Variants in BBX observed in about 807,000 individuals in gnomAD.
BBX encodes the protein BBX high mobility group box domain containing, also known as HMG box transcription factor BBX.
Under a neutral mutation model 100.2 loss-of-function variants are expected in BBX, and 30 were observed. The observed-to-expected ratio is 0.30, with a 90% CI of 0.22 to 0.41. The LOEUF (loss-of-function observed/expected upper bound fraction) is 0.41. Ranked by LOEUF, BBX falls within the 10% of genes least tolerant of loss-of-function variation. BBX has a pLI of 1.00. For missense variants in BBX, 1,023 were observed against 1,129.8 expected (o/e 0.91, Z 1.35); for synonymous variants, 376 against 388.1 (o/e 0.97, Z 0.37).
intron 5 of BBX, among the ~76,000 whole-genome samples, chr3:107,727,162 T>C (rs1005657380): frequency 6.6e-6 from 1 of 152,118 alleles, no homozygotes; most frequent in African/African-American, 2.4e-5. Flanking sequence ...TTGAAAGTCT[T>C]TTGACACTTT....
intron 5 of BBX, among the ~76,000 whole-genome samples, chr3:107,727,787 G>A (rs1239314356): frequency 6.6e-6 from 1 of 152,132 alleles, no homozygotes; most frequent in Non-Finnish European, 1.5e-5. Flanking sequence ...AAGCTGTTTG[G>A]AAGTTATAGT....
intron 2 of BBX, among the ~76,000 whole-genome samples, chr3:107,643,546 C>G (rs1340894942): frequency 6.6e-6 from 1 of 151,966 alleles, no homozygotes; most frequent in Admixed American, 6.6e-5. Flanking sequence ...GAAAGTAAGC[C>G]AAAGTGGGAC....
chr3:107,732,843 T>A, intron 6 of BBX, 113 bp from the exon 7 acceptor site: 1 of 834,012 alleles, frequency 1.2e-6, no homozygotes, highest in Non-Finnish European at 1.9e-6. Flanking sequence ...TAAAAAGTTA[T>A]ATGTGGTTCT....
chr3:107,735,985 A>C (rs552073774), intron 7 of BBX, among the ~76,000 whole-genome samples: 19 of 152,138 alleles, frequency 1.2e-4, no homozygotes, highest in African/African-American at 4.1e-4. Context: ...TGTTTATTTT[A>C]TTTGCACATA....
chr3:107,563,979 A>C (rs1477855402), intron 2 of BBX, among the ~76,000 whole-genome samples: 1 of 152,072 alleles, frequency 6.6e-6, no homozygotes, highest in Non-Finnish European at 1.5e-5. Context: ...CTTTCAGTGC[A>C]TTTGCGTACT....
At chr3:107,640,610 A>C (rs1050694483) in intron 2 of BBX, among the ~76,000 whole-genome samples, 1 of 151,770 alleles carries the variant, frequency 6.6e-6, no homozygotes, top group Non-Finnish European at 1.5e-5. Flanking sequence ...GTGATCACCC[A>C]ACTAGATCTC....
At chr3:107,746,652 G>T (rs1446265532) in intron 8 of BBX, among the ~76,000 whole-genome samples, 1 of 151,428 alleles carries the variant, frequency 6.6e-6, no homozygotes. Context: ...ACAAGGTCTT[G>T]CTATGTTACC....
intron 2 of BBX, among the ~76,000 whole-genome samples, chr3:107,641,218 G>A (rs2057188650): frequency 6.6e-6 from 1 of 151,648 alleles, no homozygotes; most frequent in Admixed American, 6.6e-5. Context: ...CTGAGTAGCT[G>A]GAACTATAGG....
At chr3:107,671,492 G>T (rs750646215) in intron 3 of BBX, among the ~76,000 whole-genome samples, 20 of 151,866 alleles carry the variant, frequency 1.3e-4, no homozygotes, top group Non-Finnish European at 2.7e-4. Context: ...CCTAACAAGG[G>T]CTACATCTCA....
chr3:107,789,757 A>T, intron 13 of BBX, 30 bp from the exon 14 acceptor site: 1 of 1,349,192 alleles, frequency 7.4e-7, no homozygotes, highest in Middle Eastern at 2.3e-4. Flanking sequence ...TTGTGAATTT[A>T]AAATATATTT....
chr3:107,680,561 G>C (rs2059519531), intron 3 of BBX, among the ~76,000 whole-genome samples: 1 of 152,116 alleles, frequency 6.6e-6, no homozygotes, highest in South Asian at 2.1e-4. Flanking sequence ...GCAGAAAGAG[G>C]CTGAGTTTTC....
At chr3:107,752,000 TG>T (rs2065113446) in intron 9 of BBX, among the ~76,000 whole-genome samples, 1 of 152,218 alleles carries the variant, frequency 6.6e-6, no homozygotes, top group African/African-American at 2.4e-5. Flanking sequence ...AGGGAACTGT[TG>T]TCTTTAATTA....
At chr3:107,597,215 G>C (rs542699205) in intron 2 of BBX, among the ~76,000 whole-genome samples, 1 of 152,056 alleles carries the variant, frequency 6.6e-6, no homozygotes, top group Admixed American at 6.5e-5. Flanking sequence ...TGAAATTTTT[G>C]TGTTAATTTG....
At chr3:107,735,627 T>C (rs560258074) in intron 7 of BBX, among the ~76,000 whole-genome samples, 55 of 152,144 alleles carry the variant, frequency 3.6e-4, no homozygotes, top group African/African-American at 1.3e-3. Context: ...TAGATTTCTT[T>C]TAAAAAAGCA....
At chr3:107,523,506 C>G (rs1330961522) in intron 1 of BBX, 3 of 152,588 alleles carry the variant, frequency 2.0e-5, no homozygotes. Flanking sequence ...CAACCAGCAC[C>G]TCTCGGCACA....
intron 3 of BBX, among the ~76,000 whole-genome samples, chr3:107,696,023 G>T (rs2060570192): frequency 6.6e-6 from 1 of 151,712 alleles, no homozygotes; most frequent in African/African-American, 2.4e-5. Context: ...TGCAACCCCT[G>T]CCTTTTTTTG....
intron 2 of BBX, among the ~76,000 whole-genome samples, chr3:107,610,751 G>A (rs1456828829): frequency 1.3e-5 from 2 of 148,500 alleles, no homozygotes; most frequent in African/African-American, 4.9e-5. Flanking sequence ...GTCTTTATAT[G>A]TGAAGTATAT....
intron 3 of BBX, among the ~76,000 whole-genome samples, chr3:107,676,428 A>G (rs1178797089): frequency 1.3e-5 from 2 of 152,164 alleles, no homozygotes; most frequent in East Asian, 1.9e-4. Context: ...ACATGGTACC[A>G]CTTTCACAGC....
At chr3:107,564,596 G>A (rs917945871) in intron 2 of BBX, among the ~76,000 whole-genome samples, 1 of 152,154 alleles carries the variant, frequency 6.6e-6, no homozygotes, top group Non-Finnish European at 1.5e-5. Context: ...CACACAGGGG[G>A]TGGACAGTTG....
Sources: allele counts gnomAD v4.1 joint callset (sites outside exome capture counted in the v4.1 genomes callset), GRCh38; gene constraint gnomAD v4.1.1; transcripts MANE v1.5; gene names NCBI Gene and HGNC (gene_info 2026-07-23, HGNC 2026-07-21).